PRUNE2: variants seen among roughly 807,000 people sequenced by gnomAD.
PRUNE2 encodes the protein protein prune homolog 2.
A neutral mutation model predicts 252.0 loss-of-function variants in PRUNE2; 164 were observed. The observed-to-expected ratio is 0.65, with a 90% confidence interval of 0.57 to 0.74. The LOEUF (loss-of-function observed/expected upper bound fraction) is 0.74. Ranked by LOEUF, PRUNE2 falls within the 30% of genes least tolerant of loss-of-function variation. The pLI is 0.00. For missense variants in PRUNE2, 3,495 were observed against 3,711.0 expected (o/e 0.94, Z 1.51); for synonymous variants, 1,292 against 1,350.2 (o/e 0.96, Z 0.94).
chr9:76,830,954 G>C (rs372161659), intron 4 of PRUNE2, among the ~76,000 whole-genome samples: 17 of 148,942 alleles, frequency 1.1e-4, no homozygotes, highest in African/African-American at 4.2e-4. Flanking sequence ...TTTTGAGACG[G>C]AGTCCTGCTC....
At chr9:76,766,091 G>A (rs1469445570) in intron 6 of PRUNE2, among the ~76,000 whole-genome samples, 2 of 151,144 alleles carry the variant, frequency 1.3e-5, no homozygotes, top group African/African-American at 4.9e-5. Context: ...GCTGAGGCAG[G>A]AGAATCGCTT....
chr9:76,650,767 T>C (rs909721309), intron 11 of PRUNE2, among the ~76,000 whole-genome samples: 13 of 152,354 alleles, frequency 8.5e-5, no homozygotes, highest in African/African-American at 2.4e-4. Context: ...AAAAGAGCCA[T>C]GTCAGCAAGT....
Position 76,709,254 on chromosome 9 carries a change from T to C in PRUNE2, c.3020A>G (p.Glu1007Gly). 6.3e-7 allele frequency: 1 copy of C among 1,594,468 alleles called. No individual in the cohort carries two copies. The highest frequency in any genetic ancestry group is 8.5e-7 in the Non-Finnish European group (1 of 1,171,026). The change falls in exon 8 of 19, where the codon GAG becomes GGG. Residue 1007 changes from glutamate to glycine, a missense_variant. Glu to Gly is a moderately conservative substitution (Grantham distance 98). Coordinates refer to ENST00000376718, the MANE Select transcript of PRUNE2 (RefSeq NM_015225.3). ...CAGTGACTGAGGAGGAATGTCAGTCTCCTCTGCCGTGGAGTTACCATCTTT... is the reference window on the plus strand; with the variant it reads ...CAGTGACTGAGGAGGAATGTCAGTCCCCTCTGCCGTGGAGTTACCATCTTT... ...ESKDGNSTAE[E>G]TDIPPQSLQQ...
chr9:76,621,362 G>A (rs1259285366), intron 17 of PRUNE2, among the ~76,000 whole-genome samples: 40 of 152,214 alleles, frequency 2.6e-4, no homozygotes, highest in Non-Finnish European at 1.5e-5. Context: ...GCTGGTGGCC[G>A]AGATGGTGGG....
intron 6 of PRUNE2, among the ~76,000 whole-genome samples, chr9:76,798,703 A>G (rs975431590): frequency 6.6e-6 from 1 of 152,208 alleles, no homozygotes; most frequent in African/African-American, 2.4e-5. Flanking sequence ...AGCACCTTAC[A>G]TGACCACATA....
At chr9:76,783,078 G>A (rs973611979) in intron 6 of PRUNE2, among the ~76,000 whole-genome samples, 1 of 152,140 alleles carries the variant, frequency 6.6e-6, no homozygotes, top group African/African-American at 2.4e-5. Context: ...AAACAGAAAG[G>A]CACTGAACCA....
At chr9:76,762,453 T>C (rs1216782960) in intron 6 of PRUNE2, among the ~76,000 whole-genome samples, 1 of 152,196 alleles carries the variant, frequency 6.6e-6, no homozygotes, top group Non-Finnish European at 1.5e-5. Context: ...TGGCTCGAAC[T>C]TTCTGGAAGA....
chr9:76,682,555 G>A (rs2043588023), intron 9 of PRUNE2, among the ~76,000 whole-genome samples: 1 of 151,994 alleles, frequency 6.6e-6, no homozygotes, highest in Non-Finnish European at 1.5e-5. Context: ...TAAAGATGGA[G>A]TTTCTCCATG....
chr9:76,622,991 A>G (rs899602857), intron 17 of PRUNE2, among the ~76,000 whole-genome samples: 2 of 152,238 alleles, frequency 1.3e-5, no homozygotes, highest in Non-Finnish European at 2.9e-5. Flanking sequence ...ACCATAGGGG[A>G]AAAATGTCTA....
chr9:76,666,870 A>G (rs931219252), intron 9 of PRUNE2, among the ~76,000 whole-genome samples: 1 of 152,106 alleles, frequency 6.6e-6, no homozygotes, highest in Non-Finnish European at 1.5e-5. Flanking sequence ...AACATGGAGA[A>G]ACCCTGTCTC....
At chr9:76,804,271 C>A (rs980338597) in intron 6 of PRUNE2, among the ~76,000 whole-genome samples, 2 of 152,208 alleles carry the variant, frequency 1.3e-5, no homozygotes, top group African/African-American at 4.8e-5. Context: ...CTCTCTTTGG[C>A]GGGCTTTCCA....
intron 18 of PRUNE2, among the ~76,000 whole-genome samples, chr9:76,617,609 G>C (rs911984241): frequency 6.6e-6 from 1 of 152,068 alleles, no homozygotes; most frequent in African/African-American, 2.4e-5. Flanking sequence ...GGAAAGAGAG[G>C]GCTGAAGAAA....
rs914920565 is a variant in PRUNE2 at position 76,905,938 on chromosome 9, T to A, written c.26A>T (p.Lys9Ile). The stretch of plus-strand genomic sequence containing the variant: ...GCTCACTCAACTTACCAGTTTAGAT[T>A]TGGCGCGTTGCAAAAATTCTTCCAT... MEEFLQRA[K>I]SKLNRSKRLE... Residue 9 changes from lysine to isoleucine, a missense_variant, in exon 1 of 19, where the codon AAA becomes ATA. Transcript: ENST00000376718. 1.2e-6 allele frequency: 2 copies of A among 1,614,192 alleles called. No individual in the cohort carries two copies. The highest frequency in any genetic ancestry group is 1.7e-6 in the Non-Finnish European group (2 of 1,180,024).
intron 6 of PRUNE2, among the ~76,000 whole-genome samples, chr9:76,792,297 A>G (rs150665634): frequency 0.013 from 1,924 of 152,232 alleles, 20 homozygotes; most frequent in Non-Finnish European, 0.021. Flanking sequence ...AGATGTGACT[A>G]TGCTCCTCCT....
chr9:76,839,880 T>G (rs895523800), intron 4 of PRUNE2, among the ~76,000 whole-genome samples: 2 of 152,186 alleles, frequency 1.3e-5, no homozygotes, highest in African/African-American at 4.8e-5. Flanking sequence ...GAAAGAATCA[T>G]GTATAACTCC....
Position 76,652,469 on chromosome 9 carries a change from A to G in PRUNE2, c.8557+14T>C, listed in dbSNP as rs1475765917. 2 of 1,594,868 alleles carry G rather than the reference A, an allele frequency of 1.3e-6. No individual in the cohort carries two copies. Reference sequence around the variant, plus strand: ...TTAGCATTTAACTTTGGCCTTGCCAACTTAGTGACTTACCATGGCCAGTGT... The same window carrying G: ...TTAGCATTTAACTTTGGCCTTGCCAGCTTAGTGACTTACCATGGCCAGTGT... On this transcript the variant is annotated intron_variant, in intron 11 of 18. Transcript: ENST00000376718.
intron 8 of PRUNE2, among the ~76,000 whole-genome samples, 198 bp downstream of exon 8, chr9:76,704,563 C>T (rs563294224): frequency 2.0e-5 from 3 of 152,254 alleles, no homozygotes; most frequent in Admixed American, 2.0e-4. Flanking sequence ...TCGATTTTCT[C>T]GTGCACTATC....
At chr9:76,740,353 G>T (rs1165644703) in intron 6 of PRUNE2, 2 of 151,856 alleles carry the variant, frequency 1.3e-5, no homozygotes, top group African/African-American at 2.4e-5. Flanking sequence ...GGAGGCTGAG[G>T]CAGGAGAATG....
At chr9:76,810,706 C>T (rs1185604125) in intron 6 of PRUNE2, among the ~76,000 whole-genome samples, 1 of 152,134 alleles carries the variant, frequency 6.6e-6, no homozygotes, top group East Asian at 1.9e-4. Flanking sequence ...TCTGAGTTGC[C>T]ACTGGCTATG....
Sources: allele counts gnomAD v4.1 joint callset (sites outside exome capture counted in the v4.1 genomes callset), GRCh38; gene constraint gnomAD v4.1.1; transcripts MANE v1.5; gene names NCBI Gene and HGNC (gene_info 2026-07-23, HGNC 2026-07-21).